COL24A1: variants seen among roughly 807,000 people sequenced by gnomAD.
COL24A1 encodes collagen type XXIV alpha 1 chain.
A neutral mutation model predicts 253.9 loss-of-function variants in COL24A1; 224 were observed. The observed-to-expected ratio is 0.88, with a 90% confidence interval of 0.79 to 0.99. COL24A1 has a LOEUF of 0.99. Among genes scored for constraint, COL24A1 ranks in the 50% least tolerant of loss-of-function variants. COL24A1 has a pLI of 0.00. For synonymous variants in COL24A1, 685 were observed against 673.7 expected (o/e 1.02, Z -0.26); for missense variants, 2,131 against 2,068.5 (o/e 1.03, Z -0.59).
intron 37 of COL24A1, among the ~76,000 whole-genome samples, chr1:85,856,275 A>G (rs1324374671): frequency 6.6e-6 from 1 of 151,866 alleles, no homozygotes; most frequent in Non-Finnish European, 1.5e-5. Context: ...TCTAGGTGTG[A>G]TGTTATGCTG....
At chr1:85,971,848 A>T (rs1692198228) in intron 20 of COL24A1, among the ~76,000 whole-genome samples, 1 of 152,186 alleles carries the variant, frequency 6.6e-6, no homozygotes, top group African/African-American at 2.4e-5. Context: ...TTCATTACTC[A>T]TTAGTTGAAG....
intron 14 of COL24A1, chr1:86,030,690 G>C (rs1289187353): frequency 1.3e-5 from 2 of 152,174 alleles, no homozygotes; most frequent in Non-Finnish European, 2.9e-5. Flanking sequence ...TGGCAGGGAG[G>C]GGGCTCCACC....
At chr1:85,845,825 A>G (rs1399740052) in intron 39 of COL24A1, among the ~76,000 whole-genome samples, 1 of 151,934 alleles carries the variant, frequency 6.6e-6, no homozygotes, top group Non-Finnish European at 1.5e-5. Flanking sequence ...GAAATATTTT[A>G]TTGATGAATA....
intron 43 of COL24A1, among the ~76,000 whole-genome samples, chr1:85,827,027 G>A (rs1350453792): frequency 6.6e-6 from 1 of 151,472 alleles, no homozygotes; most frequent in Non-Finnish European, 1.5e-5. Context: ...AATGCTTCCA[G>A]TTTTTGCCCA....
intron 31 of COL24A1, 26 bp downstream of exon 31, chr1:85,895,832 A>G (rs767928057): frequency 1.0e-5 from 16 of 1,591,896 alleles, no homozygotes; most frequent in South Asian, 2.3e-5. Flanking sequence ...AAAATTTTTC[A>G]TAGCATGATT....
chr1:86,018,462 G>C (rs1466474217), intron 18 of COL24A1, among the ~76,000 whole-genome samples: 1 of 152,132 alleles, frequency 6.6e-6, no homozygotes, highest in Non-Finnish European at 1.5e-5. Context: ...TAAAGAGATA[G>C]AGAAAGGGGC....
intron 38 of COL24A1, among the ~76,000 whole-genome samples, chr1:85,848,849 T>A (rs943400738): frequency 6.6e-6 from 1 of 152,206 alleles, no homozygotes; most frequent in African/African-American, 2.4e-5. Context: ...ACTGTCTCAC[T>A]ATGAATGTTG....
rs547345398 is a variant in COL24A1 at position 85,935,969 on chromosome 1, G to A, written c.2563-24536C>T. Among the ~76,000 whole-genome samples, 80 of 147,676 alleles carry A rather than the reference G, an allele frequency of 5.4e-4. 11 individuals are homozygous for A. Among genetic ancestry groups the A allele is most frequent in the Admixed American group, 1.7e-3 (25 of 14,694 alleles). ...AGCCTGATTAAGGCGGGGTATAAAA[G>A]TCTGGCCATTTGGGCCCAATGTCTG... On this transcript the variant is annotated intron_variant, in intron 24 of 59. Coordinates refer to ENST00000370571, the MANE Select transcript of COL24A1 (RefSeq NM_152890.7).
At chr1:85,837,208 G>C (rs1558329255) in intron 43 of COL24A1, among the ~76,000 whole-genome samples, 1 of 152,106 alleles carries the variant, frequency 6.6e-6, no homozygotes, top group Non-Finnish European at 1.5e-5. Context: ...CAAATGTTAT[G>C]TAAATTGGAA....
At chr1:86,053,782 C>G (rs991044298) in intron 10 of COL24A1, among the ~76,000 whole-genome samples, 1 of 151,840 alleles carries the variant, frequency 6.6e-6, no homozygotes, top group Non-Finnish European at 1.5e-5. Flanking sequence ...CTGCTAATAC[C>G]AAAAAATACC....
intron 20 of COL24A1, among the ~76,000 whole-genome samples, chr1:85,977,410 T>C (rs1201381787): frequency 6.6e-6 from 1 of 152,172 alleles, no homozygotes; most frequent in Non-Finnish European, 1.5e-5. Context: ...TATTGATTAT[T>C]AAGCTACTCA....
chr1:85,910,043 T>C, intron 25 of COL24A1, 40 bp from the exon 26 acceptor site: 2 of 1,532,756 alleles, frequency 1.3e-6, no homozygotes, highest in Non-Finnish European at 1.8e-6. Context: ...CATAGAGGCA[T>C]ATTAATTAGT....
chr1:86,124,574 A>C (rs1228719568), intron 3 of COL24A1, among the ~76,000 whole-genome samples: 1 of 151,892 alleles, frequency 6.6e-6, no homozygotes, highest in Admixed American at 6.6e-5. Flanking sequence ...GAACAAGAAA[A>C]ACAAATAGTT....
intron 55 of COL24A1, among the ~76,000 whole-genome samples, chr1:85,754,907 A>G (rs971342702): frequency 1.3e-5 from 2 of 152,310 alleles, no homozygotes; most frequent in Non-Finnish European, 2.9e-5. Context: ...GGGCACAAAG[A>G]ATATATAAAG....
intron 51 of COL24A1, among the ~76,000 whole-genome samples, chr1:85,781,636 A>T (rs1447672036): frequency 1.3e-5 from 2 of 152,204 alleles, no homozygotes; most frequent in African/African-American, 4.8e-5. Context: ...TTTTGAATAA[A>T]TTTCTGTGCA....
At chr1:86,147,386 C>T (rs1418278233) in intron 1 of COL24A1, among the ~76,000 whole-genome samples, 3 of 152,204 alleles carry the variant, frequency 2.0e-5, no homozygotes, top group African/African-American at 7.2e-5. Flanking sequence ...TGGCCGTACT[C>T]AGTCCAGAGC....
chr1:86,101,797 T>C (rs778575878), intron 5 of COL24A1, among the ~76,000 whole-genome samples: 2 of 152,182 alleles, frequency 1.3e-5, no homozygotes, highest in Non-Finnish European at 2.9e-5. Context: ...CAGTATTTTG[T>C]TGAGAATTTT....
At chr1:85,813,679 T>C (rs1402841591) in intron 47 of COL24A1, among the ~76,000 whole-genome samples, 2 of 148,344 alleles carry the variant, frequency 1.3e-5, no homozygotes, top group Non-Finnish European at 3.0e-5. Context: ...GCCTCCCAAG[T>C]AGCTGGGACG....
At chr1:85,945,451 C>A (rs1047211686) in intron 24 of COL24A1, among the ~76,000 whole-genome samples, 1 of 151,182 alleles carries the variant, frequency 6.6e-6, no homozygotes, top group Non-Finnish European at 1.5e-5. Flanking sequence ...TCAGTTAAAC[C>A]TTGAGTGTGG....
Sources: allele counts gnomAD v4.1 joint callset (sites outside exome capture counted in the v4.1 genomes callset), GRCh38; gene constraint gnomAD v4.1.1; transcripts MANE v1.5; gene names NCBI Gene and HGNC (gene_info 2026-07-23, HGNC 2026-07-21).